The following INPP5F variants were observed in gnomAD, a reference collection of about 807,000 sequenced individuals.
INPP5F encodes phosphatidylinositide 4-phosphatase SAC2.
In INPP5F, 97 loss-of-function variants were observed where a neutral mutation model predicts 137.2. That is an observed-to-expected ratio of 0.71 (90% confidence interval 0.60 to 0.84). The LOEUF (loss-of-function observed/expected upper bound fraction) is 0.84, where lower values mean the gene tolerates loss of function less well. Ranked by LOEUF, INPP5F falls within the 40% of genes least tolerant of loss-of-function variation. The pLI is 0.00. For missense variants in INPP5F, 1,271 were observed against 1,371.9 expected, an observed-to-expected ratio of 0.93 and a Z score of 1.16; for synonymous variants, 504 against 476.9, an observed-to-expected ratio of 1.06 and a Z score of -0.74.
At chr10:119,796,086 G>T (rs1850370999) in intron 6 of INPP5F, among the ~76,000 whole-genome samples, 1 of 148,632 alleles carries the variant, frequency 6.7e-6, no homozygotes, top group Admixed American at 6.7e-5. Context: ...GAGAGGGGGA[G>T]GGGGAGGGGG....
intron 12 of INPP5F, among the ~76,000 whole-genome samples, chr10:119,806,894 A>G (rs1850814872): frequency 6.6e-6 from 1 of 151,730 alleles, no homozygotes; most frequent in Admixed American, 6.6e-5. Context: ...ACACAGGTGA[A>G]GGAGCCTGTG....
At position 119,728,929 on chromosome 10, in the gene INPP5F, G is replaced by A. The variant is rs528424392; in HGVS notation, c.97+2570G>A. ...AGTTTGCCTACTTCTTCCCCGGTGG[G>A]AAGTCCCAGTGTGTTCCCCAAGGCA... On this transcript the variant is annotated intron_variant, in intron 1 of 19. Transcript: ENST00000650623. 1.0e-3 allele frequency among the ~76,000 whole-genome samples: 154 copies of A among 152,198 alleles called. 1 individual carries two copies. The highest frequency in any genetic ancestry group is 3.4e-3 in the Middle Eastern group (1 of 294).
rs1394232507 is a variant in INPP5F at position 119,823,173 on chromosome 10, T to C, written c.2135T>C (p.Met712Thr). 6.2e-7 allele frequency: 1 copy of C among 1,614,000 alleles called. No individual in the cohort carries two copies. Among genetic ancestry groups the C allele is most frequent in the South Asian group, 1.1e-5 (1 of 91,076 alleles). ...SGYFHTLRAV[M>T]RNPEEDGKDT... is the part of the protein sequence containing the mutation. ...TATTTCCACACATTGCGAGCTGTAA[T>C]GCGTAATCCTGAAGAGGATGGAAAA... Residue 712 changes from methionine (M) to threonine (T), a missense_variant, in exon 18 of 20, where the codon ATG becomes ACG. Met to Thr is a moderately conservative substitution (Grantham distance 81). Around this residue, in one of 6 missense-constraint regions of INPP5F, gnomAD observed 593 missense variants for 712.4 expected, o/e 0.83. Coordinates refer to ENST00000650623, the MANE Select transcript of INPP5F (RefSeq NM_014937.4).
At chr10:119,762,516 G>A (rs542388588) in intron 2 of INPP5F, among the ~76,000 whole-genome samples, 9 of 152,082 alleles carry the variant, frequency 5.9e-5, no homozygotes, top group African/African-American at 2.2e-4. Context: ...ATACAGTCAC[G>A]GTCCTCCCTA....
At chr10:119,807,871 A>G in intron 12 of INPP5F, 61 bp from the exon 13 acceptor site, 1 of 1,484,144 alleles carries the variant, frequency 6.7e-7, no homozygotes, top group South Asian at 1.4e-5. Context: ...TCTGCAGTAC[A>G]CATTTTTTGC....
At chr10:119,761,048 C>T (rs992439642) in intron 2 of INPP5F, among the ~76,000 whole-genome samples, 2 of 152,056 alleles carry the variant, frequency 1.3e-5, no homozygotes, top group African/African-American at 4.8e-5. Flanking sequence ...TTTTCTAAGT[C>T]TTTTCTATTT....
intron 1 of INPP5F, among the ~76,000 whole-genome samples, chr10:119,732,481 CTTTTCTT>C (rs71482612): frequency 2.0e-4 from 26 of 128,452 alleles, no homozygotes; most frequent in African/African-American, 6.7e-4. Flanking sequence ...TTCTTGAGCA[CTTTTCTT>C]TTTTCTTTTT....
chr10:119,760,684 C>A (rs1482108743), intron 2 of INPP5F, among the ~76,000 whole-genome samples: 1 of 152,190 alleles, frequency 6.6e-6, no homozygotes, highest in East Asian at 1.9e-4. Flanking sequence ...CAGTAACAAC[C>A]ATTGACAGCA....
At chr10:119,733,172 C>G (rs1406013430) in intron 1 of INPP5F, among the ~76,000 whole-genome samples, 1 of 152,210 alleles carries the variant, frequency 6.6e-6, no homozygotes, top group East Asian at 1.9e-4. Context: ...TAAATAGCCT[C>G]TCAAATGTCA....
chr10:119,729,537 C>T (rs1479560145), intron 1 of INPP5F, among the ~76,000 whole-genome samples: 2 of 151,120 alleles, frequency 1.3e-5, no homozygotes, highest in African/African-American at 2.4e-5. Context: ...TACACCTGCA[C>T]TTGTGTTATA....
At chr10:119,727,189 T>C (rs1012608134) in intron 1 of INPP5F, among the ~76,000 whole-genome samples, 1 of 152,220 alleles carries the variant, frequency 6.6e-6, no homozygotes, top group African/African-American at 2.4e-5. Context: ...GCTAATCCTT[T>C]CCTCATATCA....
At chr10:119,730,449 G>T (rs938514997) in intron 1 of INPP5F, among the ~76,000 whole-genome samples, 1 of 152,124 alleles carries the variant, frequency 6.6e-6, no homozygotes, top group Non-Finnish European at 1.5e-5. Context: ...ATAAAGCACC[G>T]TGTAAACATT....
At chr10:119,730,820 G>A (rs993760520) in intron 1 of INPP5F, among the ~76,000 whole-genome samples, 1 of 150,234 alleles carries the variant, frequency 6.7e-6, no homozygotes, top group East Asian at 2.0e-4. Flanking sequence ...ATTGAGTCTC[G>A]CTCTGTTGCC....
chr10:119,822,842 T>A (rs993311250), intron 17 of INPP5F, among the ~76,000 whole-genome samples: 1 of 152,356 alleles, frequency 6.6e-6, no homozygotes, highest in Admixed American at 6.5e-5. Flanking sequence ...AATAACTGTG[T>A]TCCTTTTATT....
chr10:119,767,122 A>AAAAAAAAAC (rs1849194480), intron 2 of INPP5F, among the ~76,000 whole-genome samples: 1 of 149,242 alleles, frequency 6.7e-6, no homozygotes, highest in South Asian at 2.1e-4. Flanking sequence ...AAAAAAAAAA[A>AAAAAAAAAC]AAAAAAAAAA....
intron 16 of INPP5F, among the ~76,000 whole-genome samples, chr10:119,821,740 G>A (rs1197525088): frequency 4.1e-5 from 6 of 146,616 alleles, no homozygotes; most frequent in Admixed American, 6.7e-5. Flanking sequence ...GCCTCCCTCC[G>A]TCTCTTGCTC....
intron 16 of INPP5F, 32 bp from the exon 17 acceptor site, chr10:119,822,399 A>G (rs963223937): frequency 9.1e-6 from 11 of 1,207,464 alleles, no homozygotes; most frequent in South Asian, 1.5e-5. Context: ...TTTGATTTAA[A>G]TCCTCTTTTA....
intron 17 of INPP5F, 95 bp from the exon 18 acceptor site, chr10:119,822,976 T>C (rs766645388): frequency 1.3e-4 from 166 of 1,248,908 alleles, no homozygotes; most frequent in Non-Finnish European, 1.8e-4. Context: ...CTGTCATTTA[T>C]ATTATGAAGA....
At chr10:119,760,007 G>T (rs1385052541) in intron 2 of INPP5F, among the ~76,000 whole-genome samples, 1 of 152,148 alleles carries the variant, frequency 6.6e-6, no homozygotes, top group African/African-American at 2.4e-5. Context: ...TAGAAGTGAT[G>T]CTTGAAGAAG....
Sources: gnomAD v4.1 joint callset for allele counts (sites outside exome capture counted in the v4.1 genomes callset) on GRCh38, gnomAD v4.1.1 for gene constraint, gnomAD v4.1.1 regional missense constraint, MANE v1.5 for transcripts, NCBI Gene and HGNC (gene_info 2026-07-23, HGNC 2026-07-21) for gene names.